Variants in ZNF704 observed in about 807,000 individuals in gnomAD.
The protein encoded by ZNF704 is glucocorticoid induced gene 1.
ZNF704 carries 10 observed loss-of-function variants against 44.7 expected under a neutral mutation model. The ratio of observed to expected loss-of-function variants is 0.22; its 90% confidence interval spans 0.14 to 0.38. The LOEUF is 0.38. Among genes scored for constraint, ZNF704 ranks in the 10% least tolerant of loss-of-function variants. The pLI is 1.00. For missense variants in ZNF704, 390 were observed against 545.5 expected, an observed-to-expected ratio of 0.71 and a Z score of 2.84; for synonymous variants, 211 against 207.6, an observed-to-expected ratio of 1.02 and a Z score of -0.14.
At chr8:80,788,598 G>A (rs1807653315) in intron 2 of ZNF704, among the ~76,000 whole-genome samples, 1 of 152,104 alleles carries the variant, frequency 6.6e-6, no homozygotes, top group South Asian at 2.1e-4. Flanking sequence ...GTGTCTGCCT[G>A]GCAAAAAGTG....
At chr8:80,813,395 C>A (rs1808121759) in intron 2 of ZNF704, among the ~76,000 whole-genome samples, 3 of 152,196 alleles carry the variant, frequency 2.0e-5, no homozygotes, top group African/African-American at 7.2e-5. Context: ...ACATTATAAT[C>A]TAGCACTAAT....
At position 80,751,962 on chromosome 8, in the gene ZNF704, T is replaced by G. The variant is rs144780988; in HGVS notation, c.222-58855A>C. Among the ~76,000 whole-genome samples, 366 of 152,288 alleles carry G rather than the reference T, an allele frequency of 2.4e-3. 1 individual carries two copies. The highest frequency in any genetic ancestry group is 8.4e-3 in the African/African-American group (351 of 41,566). ...TTTCACCATGTTGGCCAGGCTGGTC[T>G]CAAACTCCTGACCTCAGGTGATCCG... On this transcript the variant is annotated intron_variant, in intron 2 of 8. Transcript: ENST00000327835.
At chr8:80,862,489 C>T (rs548681131) in intron 1 of ZNF704, among the ~76,000 whole-genome samples, 3 of 150,108 alleles carry the variant, frequency 2.0e-5, no homozygotes, top group Non-Finnish European at 4.4e-5. Context: ...CAGTGGCTCA[C>T]ATCTGTAATC....
Position 80,687,257 on chromosome 8 carries a change from A to G in ZNF704, c.527T>C (p.Leu176Pro), listed in dbSNP as rs934114858. 3 of 1,612,708 alleles carry G rather than the reference A, an allele frequency of 1.9e-6. No homozygotes were observed. Among genetic ancestry groups the G allele is most frequent in the Non-Finnish European group, 2.5e-6 (3 of 1,179,476 alleles). Residue 176 changes from leucine (L) to proline (P), a missense_variant, in exon 4 of 9, where the codon CTC becomes CCC. Around this residue, in one of 3 missense-constraint regions of ZNF704, gnomAD observed 305 missense variants for 435.7 expected, o/e 0.70. Transcript: ENST00000327835. ...GIDEAEASNL[L>P]FDEPIPRKRK... The stretch of plus-strand genomic sequence containing the variant: ...TTTCCTGGGAATGGGCTCGTCGAAG[A>G]GCAGGTTGCTGGCCTCCGCCTCGTC...
chr8:80,653,501 C>A (rs1291930908), intron 7 of ZNF704, among the ~76,000 whole-genome samples: 1 of 152,180 alleles, frequency 6.6e-6, no homozygotes, highest in African/African-American at 2.4e-5. Flanking sequence ...GTGCAAAAAT[C>A]ACAAGCATTC....
At chr8:80,703,308 C>T (rs1407905645) in intron 2 of ZNF704, among the ~76,000 whole-genome samples, 1 of 152,072 alleles carries the variant, frequency 6.6e-6, no homozygotes, top group Non-Finnish European at 1.5e-5. Context: ...GTACTCAGCT[C>T]CATCCTGCTC....
chr8:80,743,405 T>A (rs894416729), intron 2 of ZNF704, among the ~76,000 whole-genome samples: 3 of 152,076 alleles, frequency 2.0e-5, no homozygotes, highest in African/African-American at 7.2e-5. Context: ...CATCTCCACA[T>A]GTAACGATAA....
At chr8:80,813,099 T>C (rs549752085) in intron 2 of ZNF704, among the ~76,000 whole-genome samples, 3 of 152,324 alleles carry the variant, frequency 2.0e-5, no homozygotes, top group South Asian at 2.1e-4. Context: ...TTCTCATATA[T>C]CCAATCTGTG....
chr8:80,652,638 T>G (rs1393059284), intron 7 of ZNF704, among the ~76,000 whole-genome samples: 1 of 152,200 alleles, frequency 6.6e-6, no homozygotes, highest in African/African-American at 2.4e-5. Context: ...AATCTCTGAA[T>G]AGACCAATAA....
At chr8:80,759,627 G>A (rs182682236) in intron 2 of ZNF704, among the ~76,000 whole-genome samples, 1 of 152,282 alleles carries the variant, frequency 6.6e-6, no homozygotes, top group East Asian at 1.9e-4. Context: ...CTAGTCAATA[G>A]CAGCTAGGAA....
At chr8:80,739,753 C>T (rs1166717368) in intron 2 of ZNF704, among the ~76,000 whole-genome samples, 2 of 152,110 alleles carry the variant, frequency 1.3e-5, no homozygotes, top group East Asian at 3.9e-4. Context: ...AAACTGAATG[C>T]TAATAGGGCT....
chr8:80,883,242 T>G, the ZNF704 span, among the ~76,000 whole-genome samples: 38 of 93,816 alleles, frequency 4.1e-4, 1 homozygote, highest in East Asian at 0.01. Context: ...TGAGACACCC[T>G]CTCAAAAAAA....
At chr8:80,797,864 T>C (rs1419383628) in intron 2 of ZNF704, among the ~76,000 whole-genome samples, 5 of 152,206 alleles carry the variant, frequency 3.3e-5, no homozygotes, top group Non-Finnish European at 7.3e-5. Context: ...ACTCTTTACA[T>C]GGCCAGGCTA....
rs1809313183 is a variant in ZNF704 at position 80,874,078 on chromosome 8, G to A, written c.-22+493C>T. Among the ~76,000 whole-genome samples, 1 of 146,750 alleles carries A rather than the reference G, an allele frequency of 6.8e-6. No individual in the cohort carries two copies. The highest frequency in any genetic ancestry group is 2.4e-5 in the African/African-American group (1 of 40,896). ...GCGGGGTTGCGGGCCGCGGCGCGGG[G>A]CCGGAGAGTTTGTCACCTCCTCTTC... On this transcript the variant is annotated intron_variant, in intron 1 of 8. Transcript: ENST00000327835. This position sits in a 1 kb window ranked among gnomAD's most constrained non-coding sequence, Gnocchi z 4.4.
At chr8:80,667,672 G>C (rs1472847903) in intron 5 of ZNF704, among the ~76,000 whole-genome samples, 1 of 152,174 alleles carries the variant, frequency 6.6e-6, no homozygotes, top group African/African-American at 2.4e-5. Flanking sequence ...CAGAGGGTAG[G>C]TACCTAGCAA....
intron 1 of ZNF704, among the ~76,000 whole-genome samples, chr8:80,843,284 C>A (rs900469360): frequency 5.9e-5 from 9 of 152,310 alleles, no homozygotes; most frequent in African/African-American, 2.2e-4. Context: ...ACAAATACAA[C>A]CATGTGGCCC....
At position 80,834,447 on chromosome 8, in the gene ZNF704, A is replaced by T. The variant is rs148674470; in HGVS notation, c.-21-12832T>A. ...TTATGTTTTGGCATCATATGTCCAAACCACACAACTACACTATCTCAGGAA... is the reference window on the plus strand; with the variant it reads ...TTATGTTTTGGCATCATATGTCCAATCCACACAACTACACTATCTCAGGAA... On this transcript the variant is annotated intron_variant, in intron 1 of 8. Transcript: ENST00000327835. 2.3e-4 allele frequency among the ~76,000 whole-genome samples: 35 copies of T among 152,218 alleles called. No individual in the cohort carries two copies. The East Asian group carries it at 3.1e-3, about 13-fold the overall frequency.
chr8:80,858,453 T>A (rs554754767), intron 1 of ZNF704, among the ~76,000 whole-genome samples: 1 of 152,304 alleles, frequency 6.6e-6, no homozygotes, highest in East Asian at 1.9e-4. Flanking sequence ...TTGATGGAGC[T>A]GGGCACGGTG....
chr8:80,682,637 TG>T (rs143808038), intron 4 of ZNF704, among the ~76,000 whole-genome samples: 42,650 of 152,074 alleles, frequency 0.28, 6,983 homozygotes, highest in Non-Finnish European at 0.36. Context: ...ACGGTCAGTG[TG>T]GGTCAGGGTG....
Sources: gnomAD v4.1 joint callset for allele counts (sites outside exome capture counted in the v4.1 genomes callset) on GRCh38, gnomAD v4.1.1 for gene constraint, gnomAD v4.1.1 regional missense constraint, Gnocchi (gnomAD v3.1) non-coding constraint, MANE v1.5 for transcripts, NCBI Gene and HGNC (gene_info 2026-07-23, HGNC 2026-07-21) for gene names.